The following CLOCK variants were observed in gnomAD, a reference collection of about 807,000 sequenced individuals.
CLOCK encodes circadian locomoter output cycles protein kaput.
A neutral mutation model predicts 118.4 loss-of-function variants in CLOCK; 43 were observed. The observed-to-expected ratio is 0.36, with a 90% CI of 0.28 to 0.47. CLOCK has a LOEUF of 0.47. Ranked by LOEUF, CLOCK falls within the 20% of genes least tolerant of loss-of-function variation. CLOCK has a pLI of 1.00. For missense variants in CLOCK, 846 were observed against 999.9 expected, an observed-to-expected ratio of 0.85 and a Z score of 2.08; for synonymous variants, 326 against 339.2, an observed-to-expected ratio of 0.96 and a Z score of 0.43.
chr4:55,521,114 T>C (rs1729820387), intron 1 of CLOCK, among the ~76,000 whole-genome samples: 1 of 152,236 alleles, frequency 6.6e-6, no homozygotes, highest in South Asian at 2.1e-4. Flanking sequence ...TTAACGTTGG[T>C]AAAATGGTTT....
intron 2 of CLOCK, among the ~76,000 whole-genome samples, chr4:55,506,862 A>C (rs997004796): frequency 6.6e-6 from 1 of 152,066 alleles, no homozygotes; most frequent in Non-Finnish European, 1.5e-5. Context: ...CGCCCGGTCT[A>C]TAGTATATAC....
chr4:55,542,159 G>A (rs1024304788), intron 1 of CLOCK, among the ~76,000 whole-genome samples: 4 of 130,988 alleles, frequency 3.1e-5, no homozygotes, highest in Non-Finnish European at 6.8e-5. Flanking sequence ...CGGCCAACAT[G>A]GAGAAACACC....
At chr4:55,484,314 C>T (rs1206455582) in intron 3 of CLOCK, among the ~76,000 whole-genome samples, 1 of 152,084 alleles carries the variant, frequency 6.6e-6, no homozygotes, top group Non-Finnish European at 1.5e-5. Flanking sequence ...CTTCAGCCTC[C>T]TGAGTAGCTG....
rs141924802 is a variant in CLOCK at position 55,489,363 on chromosome 4, C to T, written c.-44+11G>A. ...ATTTTACGATGCATTCTAAGATGCACCTTTCTTTACCTTTTGTACTCCTTG... is the reference window on the plus strand; with the variant it reads ...ATTTTACGATGCATTCTAAGATGCATCTTTCTTTACCTTTTGTACTCCTTG... On this transcript the variant is annotated intron_variant, in intron 3 of 22. Transcript: ENST00000513440. 427 of 152,186 alleles carry T rather than the reference C, an allele frequency of 2.8e-3. 2 individuals carry two copies. The highest frequency in any genetic ancestry group is 0.01 in the African/African-American group (421 of 41,536). The allele number at this position is 152,186 out of a possible 1,614,324, so 9.4% of individuals were successfully genotyped here.
At chr4:55,533,950 G>A (rs1172213371) in intron 1 of CLOCK, among the ~76,000 whole-genome samples, 1 of 152,100 alleles carries the variant, frequency 6.6e-6, no homozygotes, top group Non-Finnish European at 1.5e-5. Context: ...GCAGGAGAGT[G>A]GACACTTGTT....
intron 1 of CLOCK, among the ~76,000 whole-genome samples, chr4:55,511,710 T>C (rs909418659): frequency 2.6e-5 from 4 of 152,206 alleles, no homozygotes; most frequent in African/African-American, 9.6e-5. Context: ...TCCACTATCA[T>C]ATCACACCGA....
chr4:55,521,135 T>C (rs893761703), intron 1 of CLOCK, among the ~76,000 whole-genome samples: 8 of 152,218 alleles, frequency 5.3e-5, no homozygotes, highest in Non-Finnish European at 1.0e-4. Flanking sequence ...CTTTCTCAAA[T>C]GTACTAGAAA....
intron 1 of CLOCK, among the ~76,000 whole-genome samples, chr4:55,518,578 G>A (rs1004987427): frequency 2.6e-5 from 4 of 152,122 alleles, no homozygotes; most frequent in African/African-American, 4.8e-5. Context: ...ATTAAGACAT[G>A]GGGCCTTTGG....
chr4:55,500,071 G>A (rs1466129817), intron 2 of CLOCK, among the ~76,000 whole-genome samples: 1 of 152,084 alleles, frequency 6.6e-6, no homozygotes, highest in Non-Finnish European at 1.5e-5. Context: ...AAAAAGGGGG[G>A]AATTTTCTTT....
chr4:55,469,014 TAA>T (rs963055910), intron 8 of CLOCK, among the ~76,000 whole-genome samples: 1 of 152,202 alleles, frequency 6.6e-6, no homozygotes, highest in South Asian at 2.1e-4. Flanking sequence ...ACCAATCATA[TAA>T]AAGTTTAGCA....
At chr4:55,479,109 T>G in intron 5 of CLOCK, 146 bp from the exon 6 acceptor site, 4 of 611,476 alleles carry the variant, frequency 6.5e-6, no homozygotes, top group Non-Finnish European at 1.0e-5. Context: ...AATATACAGT[T>G]AATTTGGGCA....
At chr4:55,454,633 A>AAAT (rs1724776479) in intron 13 of CLOCK, among the ~76,000 whole-genome samples, 1 of 149,978 alleles carries the variant, frequency 6.7e-6, no homozygotes, top group African/African-American at 2.4e-5. Context: ...AAAAAAAAAA[A>AAAT]AAAAAGGGTT....
rs191832549 is a variant in CLOCK, at chr4:55,510,033, G to C, written c.-257C>G. The C allele has an allele frequency of 2.6e-5, 4 of 152,322 alleles. No homozygotes were observed. The highest frequency in any genetic ancestry group is 4.4e-5 in the Non-Finnish European group (3 of 68,040). The allele number at this position is 152,322 out of a possible 1,614,324, so 9.4% of individuals were successfully genotyped here. On this transcript the variant is annotated 5_prime_UTR_variant, in exon 2 of 23. Coordinates refer to ENST00000513440, the MANE Select transcript of CLOCK (RefSeq NM_004898.4). The stretch of plus-strand genomic sequence containing the variant: ...ACAATGTGATAGAATCAGCTTCTGA[G>C]CTCCAGCAGCTTTGCAGGAACAAGT...
intron 21 of CLOCK, among the ~76,000 whole-genome samples, chr4:55,439,542 C>CA (rs1175155505): frequency 6.6e-6 from 1 of 152,072 alleles, no homozygotes; most frequent in African/African-American, 2.4e-5. Flanking sequence ...AGCAGGGACT[C>CA]AAAGAGATAT....
In CLOCK at chr4:55,518,453, T is replaced by C. The variant is rs560695161; in HGVS notation, c.-289-8388A>G. On this transcript the variant is annotated intron_variant, in intron 1 of 22. Coordinates refer to ENST00000513440, the MANE Select transcript of CLOCK (RefSeq NM_004898.4). The stretch of plus-strand genomic sequence containing the variant: ...CATGACACTATCTTTGCTTAAAAGG[T>C]TGACTGTAGACATTCATTGTGCTCA... Among the ~76,000 whole-genome samples, 20 of 152,342 alleles carry C rather than the reference T, an allele frequency of 1.3e-4. No individual in the cohort carries two copies. In the South Asian group the frequency reaches 2.9e-3, roughly 22 times the overall value.
chr4:55,458,871 G>A (rs1199174669), intron 11 of CLOCK, 21 bp downstream of exon 11: 2 of 1,546,070 alleles, frequency 1.3e-6, no homozygotes, highest in South Asian at 1.1e-5. Flanking sequence ...TCCCCTTTGG[G>A]AAATAAAATT....
At chr4:55,536,112 C>T (rs1382480087) in intron 1 of CLOCK, among the ~76,000 whole-genome samples, 1 of 152,036 alleles carries the variant, frequency 6.6e-6, no homozygotes, top group Non-Finnish European at 1.5e-5. Context: ...ATTTTAAAAC[C>T]GTGCAGGGTA....
chr4:55,464,637 A>G (rs1220283017), intron 8 of CLOCK, among the ~76,000 whole-genome samples: 1 of 152,218 alleles, frequency 6.6e-6, no homozygotes, highest in African/African-American at 2.4e-5. Flanking sequence ...AGCAGGGCCC[A>G]GGGTCCTGCC....
intron 1 of CLOCK, among the ~76,000 whole-genome samples, chr4:55,517,273 G>A (rs1253297753): frequency 1.3e-5 from 2 of 152,142 alleles, no homozygotes; most frequent in African/African-American, 4.8e-5. Context: ...CACTTTGGGA[G>A]GCCGAGGTGG....
Sources: allele counts gnomAD v4.1 joint callset (sites outside exome capture counted in the v4.1 genomes callset), GRCh38; gene constraint gnomAD v4.1.1; transcripts MANE v1.5; gene names NCBI Gene and HGNC (gene_info 2026-07-23, HGNC 2026-07-21).